Variants in ERV3-1 observed in about 807,000 individuals in gnomAD.
The protein encoded by ERV3-1 is endogenous retrovirus group 3 member 1 Env polyprotein.
A neutral mutation model predicts 24.6 loss-of-function variants in ERV3-1; 36 were observed. That is an observed-to-expected ratio of 1.47 (90% confidence interval 1.12 to 1.94). The LOEUF is 1.94. Among genes scored for constraint, ERV3-1 ranks in the 30% most tolerant of loss-of-function variants. ERV3-1 has a pLI of 0.00. For missense variants in ERV3-1, 578 were observed against 330.9 expected (o/e 1.75, Z -5.79); for synonymous variants, 211 against 122.6 (o/e 1.72, Z -4.76).
chr7:64,997,238 T>C (rs916441875), intron 1 of ERV3-1, among the ~76,000 whole-genome samples: 1 of 152,176 alleles, frequency 6.6e-6, no homozygotes, highest in Non-Finnish European at 1.5e-5. Flanking sequence ...CAGCCTCTCT[T>C]TGTCTCCTGG....
At position 64,991,773 on chromosome 7, in the gene ERV3-1, G is replaced by A. The variant is rs200725888; in HGVS notation, c.1254C>T (p.Tyr418=). 2.6e-6 allele frequency: 2 copies of A among 766,228 alleles called. No individual in the cohort carries two copies. Among genetic ancestry groups the A allele is most frequent in the African/African-American group, 3.4e-5 (2 of 59,270 alleles). 47.5% of individuals were successfully genotyped at this position (766,228 alleles called of 1,614,324 possible). A position where few individuals can be genotyped will look rare whatever the true frequency, so the allele number is the denominator to read the frequency against. Residue 418 remains tyrosine (Y), a synonymous_variant, in exon 2 of 2, where the codon TAC becomes TAT. Transcript: ENST00000394323. The stretch of plus-strand genomic sequence containing the variant: ...GATATGCTTGTGGCCCACAGATCCA[G>A]TAGAGGCCAGAGGGTGCCTGCCAGG... ...PNTWQAPSGL[Y]WICGPQAYRQ... is the part of the protein sequence containing the mutation.
chr7:64,991,627 C>G lies in ERV3-1; in HGVS notation c.1400G>C (p.Arg467Thr), dbSNP rs1362972011. The G allele has an allele frequency of 1.4e-6, 1 of 704,446 alleles. No homozygotes were observed. The highest frequency in any genetic ancestry group is 2.6e-6 in the Non-Finnish European group (1 of 385,188). 43.6% of individuals were successfully genotyped at this position (704,446 alleles called of 1,614,324 possible). A position where few individuals can be genotyped will look rare whatever the true frequency, so the allele number is the denominator to read the frequency against. ...TATAGTTATGCCTCTTTTGCTTTTCCTTTTAGTTTCATCATAGATGGGGTA... is the reference window on the plus strand; with the variant it reads ...TATAGTTATGCCTCTTTTGCTTTTCGTTTTAGTTTCATCATAGATGGGGTA... ...LGYPIYDETK[R>T]KSKRGITIGD... The change falls in exon 2 of 2, where the codon AGG becomes ACG. Residue 467 changes from arginine to threonine, a missense_variant. By Grantham distance (71) the Arg-to-Thr change is moderately conservative (BLOSUM62 -1). Transcript: ENST00000394323.
At chr7:65,000,743 T>A (rs949757924) in intron 1 of ERV3-1, among the ~76,000 whole-genome samples, 50 of 152,200 alleles carry the variant, frequency 3.3e-4, no homozygotes, top group African/African-American at 8.9e-4. Flanking sequence ...CAAGATCACA[T>A]CACTGTACTT....
chr7:65,006,496 C>G, intron 1 of ERV3-1, 45 bp downstream of exon 1: 1 of 1,569,144 alleles, frequency 6.4e-7, no homozygotes, highest in Non-Finnish European at 8.8e-7. Context: ...CCAGTTCCAA[C>G]CAGCCCCGCC....
In ERV3-1 at chr7:65,006,649, G is replaced by A; in HGVS notation, c.-497C>T. Reference sequence around the variant, plus strand: ...CTCTAGGAGCAGAAGACACAGAGCAGTGAAGACTACACCAGAAGCTCCGGC... The same window carrying A: ...CTCTAGGAGCAGAAGACACAGAGCAATGAAGACTACACCAGAAGCTCCGGC... On this transcript the variant is annotated 5_prime_UTR_variant, in exon 1 of 2. Coordinates refer to ENST00000394323, the MANE Select transcript of ERV3-1 (RefSeq NM_001007253.4). 2.0e-6 allele frequency: 3 copies of A among 1,525,800 alleles called. No individual in the cohort carries two copies. In the South Asian group the frequency reaches 3.4e-5, roughly 17 times the overall value. The allele number at this position is 1,525,800 out of a possible 1,614,324, so 94.5% of individuals were successfully genotyped here.
rs531864174 is a variant in ERV3-1, at chr7:64,991,332, G to C, written c.1695C>G (p.Cys565Trp). Residue 565 changes from cysteine to tryptophan, a missense_variant, in exon 2 of 2, where the codon TGC (cysteine) becomes TGG (tryptophan). By Grantham distance (215) the Cys-to-Trp change is radical. Coordinates refer to ENST00000394323, the MANE Select transcript of ERV3-1 (RefSeq NM_001007253.4). The stretch of plus-strand genomic sequence containing the variant: ...AGCAGTTAGTAAGGTTGAACTTTCC[G>C]CATACTCCCTCTTCCTGGGCTAGGA... ...DYLLAQEEGV[C>W]GKFNLTNCCL... 2.8e-6 allele frequency: 2 copies of C among 706,242 alleles called. No homozygotes were observed. Among genetic ancestry groups the C allele is most frequent in the African/African-American group, 1.7e-5 (1 of 57,526 alleles). The allele number at this position is 706,242 out of a possible 1,614,324, so 43.7% of individuals were successfully genotyped here.
In ERV3-1 at chr7:64,990,902, T is replaced by C. The variant is rs1584057871; in HGVS notation, c.*310A>G. 1 of 208,376 alleles carries C rather than the reference T, an allele frequency of 4.8e-6. No individual in the cohort carries two copies. The highest frequency in any genetic ancestry group is 1.1e-4 in the East Asian group (1 of 9,076). The allele number at this position is 208,376 out of a possible 1,614,324, so 12.9% of individuals were successfully genotyped here. A position where few individuals can be genotyped will look rare whatever the true frequency, so the allele number is the denominator to read the frequency against. On this transcript the variant is annotated 3_prime_UTR_variant, in exon 2 of 2. Transcript: ENST00000394323. Reference sequence around the variant, plus strand: ...TTCCCTTTACTTGTTTTTCCTTTTATATTTCCTGCTTCATTCCCCCCTTTG... The same window carrying C: ...TTCCCTTTACTTGTTTTTCCTTTTACATTTCCTGCTTCATTCCCCCCTTTG...
chr7:64,994,568 T>C (rs1786360494), intron 1 of ERV3-1, among the ~76,000 whole-genome samples: 1 of 152,210 alleles, frequency 6.6e-6, no homozygotes, highest in Non-Finnish European at 1.5e-5. Flanking sequence ...CTTTTGCCTC[T>C]GACGTCCCTG....
intron 1 of ERV3-1, among the ~76,000 whole-genome samples, chr7:64,999,831 C>T (rs749102167): frequency 2.0e-5 from 3 of 152,190 alleles, no homozygotes; most frequent in Non-Finnish European, 4.4e-5. Context: ...CCTGGCCTTG[C>T]AGATAATGTT....
rs376703650 is a variant in ERV3-1, at chr7:64,992,669, A to T, written c.358T>A (p.Tyr120Asn). The change falls in exon 2 of 2, where the codon TAC becomes AAC. Residue 120 changes from tyrosine to asparagine, a missense_variant. Tyr to Asn is a moderately radical substitution (Grantham distance 143). Coordinates refer to ENST00000394323, the MANE Select transcript of ERV3-1 (RefSeq NM_001007253.4). ...FPSGKDVVSL[Y>N]FDVCQIVSMG... ...GATACTATCTGGCAAACATCAAAGTATAAGGATACGACATCCTTGCCAGAG... is the reference window on the plus strand; with the variant it reads ...GATACTATCTGGCAAACATCAAAGTTTAAGGATACGACATCCTTGCCAGAG... The T allele has an allele frequency of 1.2e-5, 9 of 766,246 alleles. No homozygotes were observed. In the African/African-American group the frequency reaches 1.4e-4, roughly 12 times the overall value. 47.5% of individuals were successfully genotyped at this position (766,246 alleles called of 1,614,324 possible). A position where few individuals can be genotyped will look rare whatever the true frequency, so the allele number is the denominator to read the frequency against.
chr7:64,995,424 C>A (rs1786386736), intron 1 of ERV3-1, among the ~76,000 whole-genome samples: 1 of 152,202 alleles, frequency 6.6e-6, no homozygotes, highest in Non-Finnish European at 1.5e-5. Flanking sequence ...ATCTGGCAGT[C>A]CTAAGGCTGG....
intron 1 of ERV3-1, among the ~76,000 whole-genome samples, chr7:65,002,490 A>C (rs1786544899): frequency 1.8e-5 from 2 of 110,406 alleles, no homozygotes. Context: ...TGCCTGGCTA[A>C]TTTTTATATT....
At chr7:64,996,309 T>C (rs1786407930) in intron 1 of ERV3-1, among the ~76,000 whole-genome samples, 1 of 152,154 alleles carries the variant, frequency 6.6e-6, no homozygotes, top group South Asian at 2.1e-4. Flanking sequence ...CCAAATATCC[T>C]CTTGGGAAAG....
rs757484803 is a variant in ERV3-1, at chr7:64,992,208, A to G, written c.819T>C (p.Ser273=). 1 of 766,370 alleles carries G rather than the reference A, an allele frequency of 1.3e-6. No homozygotes were observed. The highest frequency in any genetic ancestry group is 2.4e-6 in the Non-Finnish European group (1 of 417,890). 47.5% of individuals were successfully genotyped at this position (766,370 alleles called of 1,614,324 possible). Residue 273 remains serine, a synonymous_variant, in exon 2 of 2, where the codon AGT becomes AGC. Coordinates refer to ENST00000394323, the MANE Select transcript of ERV3-1 (RefSeq NM_001007253.4). ...QKLPEPPPLA[S]NLFAQLAENI... ...TTTCAGCCAGTTGGGCGAATAAATT[A>G]CTGGCCAAGGGAGGGGGCTCAGGCA... is the stretch of plus-strand genomic sequence containing the variant.
Position 64,992,983 on chromosome 7 carries a change from A to T in ERV3-1, c.44T>A (p.Leu15His). The part of the protein sequence containing the change: ...NMLLITLFLL[L>H]PLSMLKGEPW... Reference sequence around the variant, plus strand: ...TTCTCCTTTTAACATGGATAAGGGGAGTAGCAAGAACAAAGTGATGAGTAG... The same window carrying T: ...TTCTCCTTTTAACATGGATAAGGGGTGTAGCAAGAACAAAGTGATGAGTAG... The change falls in exon 2 of 2, where the codon CTC (leucine) becomes CAC (histidine). Residue 15 changes from leucine to histidine, a missense_variant. Leu to His is a moderately conservative substitution (Grantham distance 99). Transcript: ENST00000394323. 1.3e-6 allele frequency: 1 copy of T among 765,594 alleles called. No homozygotes were observed. The highest frequency in any genetic ancestry group is 2.4e-6 in the Non-Finnish European group (1 of 417,328). 47.4% of individuals were successfully genotyped at this position (765,594 alleles called of 1,614,324 possible).
At position 64,992,736 on chromosome 7, in the gene ERV3-1, C is replaced by T. The variant is rs116800748; in HGVS notation, c.291G>A (p.Gly97=). The part of the protein sequence containing the change: ...SPGTWFEIHV[G]SKEGDLLNQT... ...GGTTTAGAAGATCCCCTTCCTTTGA[C>T]CCGACATGAATTTCAAACCAGGTCC... The change falls in exon 2 of 2, where the codon GGG becomes GGA. Residue 97 remains glycine, a synonymous_variant. Transcript: ENST00000394323. 6.5e-4 allele frequency: 501 copies of T among 766,390 alleles called. 1 individual carries two copies. In the African/African-American group the frequency reaches 6.7e-3, roughly 10 times the overall value. The allele number at this position is 766,390 out of a possible 1,614,324, so 47.5% of individuals were successfully genotyped here. A position where few individuals can be genotyped will look rare whatever the true frequency, so the allele number is the denominator to read the frequency against.
rs549945351 is a variant in ERV3-1, at chr7:64,993,897, C to T, written c.-388-483G>A. Among the ~76,000 whole-genome samples, 9 of 152,262 alleles carry T rather than the reference C, an allele frequency of 5.9e-5. No individual in the cohort carries two copies. The South Asian group carries it at 6.2e-4, about 11-fold the overall frequency. On this transcript the variant is annotated intron_variant, in intron 1 of 1. Coordinates refer to ENST00000394323, the MANE Select transcript of ERV3-1 (RefSeq NM_001007253.4). Reference sequence around the variant, plus strand: ...TAATTTCCATTTTATTTTTAACACTCGTGTTAGTTCCTGAATTATTTCAGC... The same window carrying T: ...TAATTTCCATTTTATTTTTAACACTTGTGTTAGTTCCTGAATTATTTCAGC...
chr7:64,992,013 G>T lies in ERV3-1; in HGVS notation c.1014C>A (p.Thr338=), dbSNP rs369938986. 1.3e-5 allele frequency: 10 copies of T among 766,294 alleles called. No individual in the cohort carries two copies. In the African/African-American group the frequency reaches 1.7e-4, roughly 13 times the overall value. 47.5% of individuals were successfully genotyped at this position (766,294 alleles called of 1,614,324 possible). A position where few individuals can be genotyped will look rare whatever the true frequency, so the allele number is the denominator to read the frequency against. The change falls in exon 2 of 2, where the codon ACC becomes ACA. Residue 338 remains threonine, a synonymous_variant. Transcript: ENST00000394323. ...CAATACAGAATTTTCCAATAATGGAGGTTTTTAAGAACCAGATGCTCTGAC... is the reference window on the plus strand; with the variant it reads ...CAATACAGAATTTTCCAATAATGGATGTTTTTAAGAACCAGATGCTCTGAC... The part of the protein sequence containing the change: ...PSSQSIWFLK[T]SIIGKFCIAR...
At chr7:65,006,472 A>T (rs1234760268) in intron 1 of ERV3-1, 69 bp downstream of exon 1, 10 of 1,553,550 alleles carry the variant, frequency 6.4e-6, no homozygotes, top group Non-Finnish European at 8.9e-6. Flanking sequence ...GAGTCCCGCC[A>T]CAGCCACTTC....
Sources: gnomAD v4.1 joint callset for allele counts (sites outside exome capture counted in the v4.1 genomes callset) on GRCh38, gnomAD v4.1.1 for gene constraint, MANE v1.5 for transcripts, NCBI Gene and HGNC (gene_info 2026-07-23, HGNC 2026-07-21) for gene names.